CPPED1: variants seen among roughly 807,000 people sequenced by gnomAD.
CPPED1 encodes the protein calcineurin like phosphoesterase domain containing 1, also known as serine/threonine-protein phosphatase CPPED1.
Under a neutral mutation model 28.0 loss-of-function variants are expected in CPPED1, and 28 were observed. The observed-to-expected ratio is 1.00, with a 90% CI of 0.74 to 1.37. The LOEUF (loss-of-function observed/expected upper bound fraction) is 1.37. CPPED1 is among the 40% of genes most tolerant of loss of function. The pLI is 0.00. For missense variants in CPPED1, 504 were observed against 416.5 expected, an observed-to-expected ratio of 1.21 and a Z score of -1.83; for synonymous variants, 198 against 180.2, an observed-to-expected ratio of 1.10 and a Z score of -0.79.
chr16:12,765,583 A>G (rs2080433696), intron 2 of CPPED1, among the ~76,000 whole-genome samples: 1 of 152,256 alleles, frequency 6.6e-6, no homozygotes, highest in Non-Finnish European at 1.5e-5. Flanking sequence ...TCAATACAAA[A>G]TTTCTTCACA....
intron 2 of CPPED1, among the ~76,000 whole-genome samples, chr16:12,705,427 CA>C (rs1470919486): frequency 6.6e-6 from 1 of 152,136 alleles, no homozygotes; most frequent in African/African-American, 2.4e-5. Flanking sequence ...AATTATGAGA[CA>C]AACCTGGGCA....
At chr16:12,723,231 G>C (rs1216049131) in intron 2 of CPPED1, among the ~76,000 whole-genome samples, 1 of 152,226 alleles carries the variant, frequency 6.6e-6, no homozygotes, top group East Asian at 1.9e-4. Flanking sequence ...TAACAGAGCA[G>C]TGGGCGAGCC....
chr16:12,697,534 C>G (rs1357741689), intron 3 of CPPED1, among the ~76,000 whole-genome samples: 2 of 152,296 alleles, frequency 1.3e-5, no homozygotes, highest in Non-Finnish European at 2.9e-5. Flanking sequence ...TAGACACATA[C>G]AGAATGTGGA....
At chr16:12,677,626 G>C (rs979073862) in intron 3 of CPPED1, among the ~76,000 whole-genome samples, 2 of 152,220 alleles carry the variant, frequency 1.3e-5, no homozygotes, top group African/African-American at 2.4e-5. Context: ...TGGTGGCAGA[G>C]CGAGACTCTG....
At chr16:12,799,244 T>G (rs1402123154) in intron 1 of CPPED1, among the ~76,000 whole-genome samples, 2 of 68,274 alleles carry the variant, frequency 2.9e-5, no homozygotes, top group South Asian at 3.2e-4. Context: ...GAAAAGTCAG[T>G]TTTTTTTTTT....
Position 12,670,876 on chromosome 16 carries a change from AGTC to A in CPPED1, c.716-5764_716-5762del, listed in dbSNP as rs1376964360. On this transcript the variant is annotated intron_variant, in intron 3 of 3. Transcript: ENST00000381774. The surrounding 1 kb of genome is among the most constrained non-coding windows in gnomAD (Gnocchi z 4.2). ...ATTTTTAATATATTTTTTGAGGTGG[AGTC>A]TCACTGTGACGCCCATGCTGAAGTA... Among the ~76,000 whole-genome samples, 2 of 152,106 alleles carry A rather than the reference AGTC, an allele frequency of 1.3e-5. No homozygotes were observed. Among genetic ancestry groups the A allele is most frequent in the Non-Finnish European group, 2.9e-5 (2 of 68,006 alleles).
chr16:12,713,302 T>C (rs1261645994), intron 2 of CPPED1, among the ~76,000 whole-genome samples: 1 of 152,222 alleles, frequency 6.6e-6, no homozygotes, highest in Non-Finnish European at 1.5e-5. Context: ...TTTTGATATC[T>C]GAATGAAATA....
intron 3 of CPPED1, among the ~76,000 whole-genome samples, chr16:12,690,662 C>CAA (rs748989286): frequency 4.9e-4 from 46 of 94,674 alleles, no homozygotes; most frequent in African/African-American, 1.2e-3. Flanking sequence ...TAGTTTCTAC[C>CAA]AAAAAAAAAA....
At chr16:12,791,582 C>T (rs900392378) in intron 1 of CPPED1, among the ~76,000 whole-genome samples, 16 of 152,172 alleles carry the variant, frequency 1.1e-4, no homozygotes, top group East Asian at 9.6e-4. Flanking sequence ...CCCACCTTAC[C>T]GTTCCCATCA....
intron 3 of CPPED1, among the ~76,000 whole-genome samples, chr16:12,697,653 GTT>G (rs1209194856): frequency 6.6e-6 from 1 of 152,180 alleles, no homozygotes; most frequent in Non-Finnish European, 1.5e-5. Flanking sequence ...TGGAAATAAA[GTT>G]TTATTGGAAC....
chr16:12,789,386 C>G (rs908173544), intron 1 of CPPED1, among the ~76,000 whole-genome samples: 1 of 152,162 alleles, frequency 6.6e-6, no homozygotes, highest in African/African-American at 2.4e-5. Context: ...AACCAGGCCC[C>G]CACCTTTGCA....
At chr16:12,758,742 A>C (rs1399165429) in intron 2 of CPPED1, among the ~76,000 whole-genome samples, 1 of 152,192 alleles carries the variant, frequency 6.6e-6, no homozygotes, top group Non-Finnish European at 1.5e-5. Context: ...AGTTTACTAC[A>C]AGTAGAAGGA....
chr16:12,786,053 G>A (rs2080561294), intron 1 of CPPED1, among the ~76,000 whole-genome samples: 1 of 152,186 alleles, frequency 6.6e-6, no homozygotes, highest in Non-Finnish European at 1.5e-5. Flanking sequence ...TAATTAACGA[G>A]GAGAACTAGC....
chr16:12,723,616 C>A (rs554883154), intron 2 of CPPED1, among the ~76,000 whole-genome samples: 1 of 152,284 alleles, frequency 6.6e-6, no homozygotes, highest in African/African-American at 2.4e-5. Context: ...GCTTCCAGAA[C>A]GGTGAGAAAG....
chr16:12,668,823 G>A (rs2079839447), intron 3 of CPPED1, among the ~76,000 whole-genome samples: 1 of 152,248 alleles, frequency 6.6e-6, no homozygotes, highest in Admixed American at 6.5e-5. Flanking sequence ...GAAAGAGATG[G>A]AAAGCAACAA....
chr16:12,716,778 C>T lies in CPPED1; in HGVS notation c.290-11729G>A, dbSNP rs117706343. On this transcript the variant is annotated intron_variant, in intron 2 of 3. Coordinates refer to ENST00000381774, the MANE Select transcript of CPPED1 (RefSeq NM_018340.3). ...ATTTATTCAATGCACCCCTGCTACC[C>T]ACTGTGTGCTAGGTAACAGCATGAC... Among the ~76,000 whole-genome samples, 28 of 152,338 alleles carry T rather than the reference C, an allele frequency of 1.8e-4. No individual in the cohort carries two copies. The East Asian group carries it at 4.4e-3, about 24-fold the overall frequency.
At chr16:12,773,784 C>T (rs1464467347) in intron 2 of CPPED1, among the ~76,000 whole-genome samples, 2 of 152,186 alleles carry the variant, frequency 1.3e-5, no homozygotes, top group Non-Finnish European at 2.9e-5. Flanking sequence ...TCTGTCTCAG[C>T]CACCCACGTG....
At chr16:12,672,523 G>T (rs896273274) in intron 3 of CPPED1, among the ~76,000 whole-genome samples, 1 of 152,202 alleles carries the variant, frequency 6.6e-6, no homozygotes, top group Non-Finnish European at 1.5e-5. Context: ...AACATCGTGT[G>T]ATCCTGTGTA....
At chr16:12,802,733 C>A (rs893247993) in intron 1 of CPPED1, among the ~76,000 whole-genome samples, 11 of 152,200 alleles carry the variant, frequency 7.2e-5, no homozygotes, top group African/African-American at 2.7e-4. Flanking sequence ...GGCTCACCAA[C>A]CCTGCTAAAG....
Sources: allele counts gnomAD v4.1 joint callset (sites outside exome capture counted in the v4.1 genomes callset), GRCh38; gene constraint gnomAD v4.1.1; non-coding constraint Gnocchi (gnomAD v3.1); transcripts MANE v1.5; gene names NCBI Gene and HGNC (gene_info 2026-07-23, HGNC 2026-07-21).